The following ADCY1 variants were observed in gnomAD, a reference collection of about 807,000 sequenced individuals.
ADCY1 encodes the protein adenylate cyclase type 1.
ADCY1 carries 28 observed loss-of-function variants against 105.4 expected under a neutral mutation model. The observed-to-expected ratio is 0.27, with a 90% CI of 0.20 to 0.36. ADCY1 has a LOEUF of 0.36. Ranked by LOEUF, ADCY1 falls within the 10% of genes least tolerant of loss-of-function variation. The probability of loss-of-function intolerance (pLI) is 1.00; values close to 1 mark genes in which losing one functional copy is unlikely to be tolerated. For missense variants in ADCY1, 977 were observed against 1,434.2 expected, an observed-to-expected ratio of 0.68 and a Z score of 5.15; for synonymous variants, 655 against 623.8, an observed-to-expected ratio of 1.05 and a Z score of -0.75.
chr7:45,606,702 A>C (rs1460463154), intron 2 of ADCY1, among the ~76,000 whole-genome samples: 1 of 152,242 alleles, frequency 6.6e-6, no homozygotes, highest in Non-Finnish European at 1.5e-5. Context: ...GAGTCTTCAC[A>C]ATTGTCACTG....
chr7:45,619,817 G>C (rs1457431943), intron 3 of ADCY1, among the ~76,000 whole-genome samples: 1 of 152,182 alleles, frequency 6.6e-6, no homozygotes, highest in Non-Finnish European at 1.5e-5. Context: ...ATGCGGCATG[G>C]TCACAATATT....
At chr7:45,682,156 A>G (rs1784570901) in intron 11 of ADCY1, among the ~76,000 whole-genome samples, 1 of 152,202 alleles carries the variant, frequency 6.6e-6, no homozygotes, top group South Asian at 2.1e-4. Flanking sequence ...AGCCTGGCAC[A>G]GCACACGCTC....
At position 45,703,650 on chromosome 7, in the gene ADCY1, C is replaced by T; in HGVS notation, c.2622C>T (p.Ile874=). Residue 874 remains isoleucine (I), a synonymous_variant, in exon 16 of 20, where the codon ATC becomes ATT. Transcript: ENST00000297323. The surrounding 1 kb of genome is among the most constrained non-coding windows in gnomAD (Gnocchi z 5.9). ...YSQVGVMFAS[I]PNFNDFYIEL... is the part of the protein sequence containing the mutation. ...AGGTGGGCGTCATGTTTGCCTCCAT[C>T]CCCAACTTCAATGACTTCTACATCG... The T allele has an allele frequency of 6.2e-7, 1 of 1,613,414 alleles. No individual in the cohort carries two copies. The highest frequency in any genetic ancestry group is 8.5e-7 in the Non-Finnish European group (1 of 1,179,648).
intron 2 of ADCY1, among the ~76,000 whole-genome samples, chr7:45,604,313 A>T (rs1176224763): frequency 6.6e-6 from 1 of 152,124 alleles, no homozygotes; most frequent in African/African-American, 2.4e-5. Context: ...TGATCATTTC[A>T]TTCTTTTAGC....
chr7:45,622,564 G>A, intron 3 of ADCY1, 68 bp from the exon 4 acceptor site: 6 of 1,110,026 alleles, frequency 5.4e-6, no homozygotes, highest in Non-Finnish European at 6.9e-6. Flanking sequence ...GTAAACATCT[G>A]TACATCTCTA....
At chr7:45,690,085 G>A (rs1387331365) in intron 14 of ADCY1, among the ~76,000 whole-genome samples, 1 of 152,346 alleles carries the variant, frequency 6.6e-6, no homozygotes, top group East Asian at 1.9e-4. Context: ...TGGGAGCCCT[G>A]TGATCCACAG....
At chr7:45,679,324 A>G (rs999605121) in intron 10 of ADCY1, among the ~76,000 whole-genome samples, 10 of 152,314 alleles carry the variant, frequency 6.6e-5, no homozygotes, top group African/African-American at 7.2e-5. Flanking sequence ...TTTTCTAAAA[A>G]TGCCCTTCCC....
rs996471148 is a variant in ADCY1 at position 45,647,309 on chromosome 7, T to C, written c.1021-1361T>C. 1.3e-5 allele frequency among the ~76,000 whole-genome samples: 2 copies of C among 152,248 alleles called. No individual in the cohort carries two copies. Among genetic ancestry groups the C allele is most frequent in the African/African-American group, 4.8e-5 (2 of 41,470 alleles). ...GTCCCTGTCCTGACTCACTCTGTGCTGGCCATGGTTCCTTTTCTCTAAGAA... is the reference window on the plus strand; with the variant it reads ...GTCCCTGTCCTGACTCACTCTGTGCCGGCCATGGTTCCTTTTCTCTAAGAA... On this transcript the variant is annotated intron_variant, in intron 4 of 19. Coordinates refer to ENST00000297323, the MANE Select transcript of ADCY1 (RefSeq NM_021116.4). The surrounding 1 kb of genome is among the most constrained non-coding windows in gnomAD (Gnocchi z 4.6).
At chr7:45,709,778 C>A (rs528485708) in intron 18 of ADCY1, among the ~76,000 whole-genome samples, 17 of 152,358 alleles carry the variant, frequency 1.1e-4, no homozygotes, top group African/African-American at 4.1e-4. Flanking sequence ...GAGCTGACAG[C>A]ATGCTTGGTC....
At chr7:45,599,945 C>T (rs1274607347) in intron 2 of ADCY1, among the ~76,000 whole-genome samples, 3 of 152,236 alleles carry the variant, frequency 2.0e-5, no homozygotes, top group East Asian at 1.9e-4. Context: ...CTGTCTTTTT[C>T]CTACTTTGTT....
At chr7:45,696,438 C>CAAAAAA (rs11365338) in intron 14 of ADCY1, among the ~76,000 whole-genome samples, 4 of 73,924 alleles carry the variant, frequency 5.4e-5, no homozygotes, top group Non-Finnish European at 7.4e-5. Flanking sequence ...TACTCCATCT[C>CAAAAAA]AAAAAAAAAA....
At chr7:45,688,057 G>C (rs4724427) in intron 14 of ADCY1, among the ~76,000 whole-genome samples, 22,853 of 152,176 alleles carry the variant, frequency 0.15, 2,202 homozygotes, top group Non-Finnish European at 0.21. Context: ...TCAATTTTTT[G>C]TCTTTGTTCC....
chr7:45,641,080 T>A (rs1794514191), intron 4 of ADCY1, among the ~76,000 whole-genome samples: 4 of 152,236 alleles, frequency 2.6e-5, no homozygotes, highest in Admixed American at 2.6e-4. Flanking sequence ...CAAAAGGGAC[T>A]CATGGAAGCC....
intron 1 of ADCY1, among the ~76,000 whole-genome samples, chr7:45,584,694 A>T (rs1792666129): frequency 6.6e-6 from 1 of 152,186 alleles, no homozygotes; most frequent in Non-Finnish European, 1.5e-5. Flanking sequence ...CACAGTCTAG[A>T]GCCAGGTCTA....
chr7:45,669,019 C>CTT (rs1562716357), intron 8 of ADCY1, among the ~76,000 whole-genome samples: 1 of 152,110 alleles, frequency 6.6e-6, no homozygotes, highest in East Asian at 1.9e-4. Context: ...ATTCTTCTCT[C>CTT]TTTTCTTCTT....
intron 1 of ADCY1, among the ~76,000 whole-genome samples, chr7:45,576,508 A>G (rs763115041): frequency 3.3e-4 from 50 of 152,110 alleles, no homozygotes; most frequent in Non-Finnish European, 6.5e-4. Flanking sequence ...CGTCGGAGGA[A>G]GAGAGGAAGA....
In ADCY1 at chr7:45,694,075, C is replaced by T. The variant is rs534757853; in HGVS notation, c.2454+7402C>T. On this transcript the variant is annotated intron_variant, in intron 14 of 19. Transcript: ENST00000297323. ...GCACATGTATACATATGTAACTAAGCTGCACAATGTGCACATGTACCCTAA... is the reference window on the plus strand; with the variant it reads ...GCACATGTATACATATGTAACTAAGTTGCACAATGTGCACATGTACCCTAA... Among the ~76,000 whole-genome samples the T allele has an allele frequency of 3.9e-3, 504 of 128,278 alleles. 5 individuals carry two copies. The highest frequency in any genetic ancestry group is 0.014 in the African/African-American group (475 of 33,496). The allele number at this position is 128,278 out of a possible 152,430, so 84.2% of individuals were successfully genotyped here. A position where few individuals can be genotyped will look rare whatever the true frequency, so the allele number is the denominator to read the frequency against.
Position 45,575,948 on chromosome 7 carries a change from C to T in ADCY1, c.639+766C>T, listed in dbSNP as rs946304285. Among the ~76,000 whole-genome samples the T allele has an allele frequency of 7.2e-5, 11 of 152,172 alleles. No individual in the cohort carries two copies. The highest frequency in any genetic ancestry group is 1.6e-4 in the Non-Finnish European group (11 of 68,022). Reference sequence around the variant, plus strand: ...GGAGGAGCCTGCTCTTCCAACTGCCCGGAGGTGGACGTGGACCAGAGGTCT... The same window carrying T: ...GGAGGAGCCTGCTCTTCCAACTGCCTGGAGGTGGACGTGGACCAGAGGTCT... On this transcript the variant is annotated intron_variant, in intron 1 of 19. Coordinates refer to ENST00000297323, the MANE Select transcript of ADCY1 (RefSeq NM_021116.4). This position sits in a 1 kb window ranked among gnomAD's most constrained non-coding sequence, Gnocchi z 4.7.
chr7:45,587,105 C>A (rs536513844), intron 1 of ADCY1, among the ~76,000 whole-genome samples: 1 of 152,218 alleles, frequency 6.6e-6, no homozygotes, highest in Non-Finnish European at 1.5e-5. Context: ...GTTTTCATAC[C>A]CAATAGGAGT....
Sources: allele counts gnomAD v4.1 joint callset (sites outside exome capture counted in the v4.1 genomes callset), GRCh38; gene constraint gnomAD v4.1.1; non-coding constraint Gnocchi (gnomAD v3.1); transcripts MANE v1.5; gene names NCBI Gene and HGNC (gene_info 2026-07-23, HGNC 2026-07-21).